The following CCDC169 variants were observed in gnomAD, a reference collection of about 807,000 sequenced individuals.
CCDC169 encodes coiled-coil domain containing 169, also known as coiled-coil domain-containing protein 169.
In CCDC169, 30 loss-of-function variants were observed where a neutral mutation model predicts 36.0. That is an observed-to-expected ratio of 0.83 (90% CI 0.62 to 1.13). CCDC169 has a LOEUF of 1.13. Ranked by LOEUF, CCDC169 falls within the 50% of genes most tolerant of loss-of-function variation. The pLI is 0.00. For missense variants in CCDC169, 245 were observed against 245.9 expected (o/e 1.00, Z 0.03); for synonymous variants, 85 against 81.5 (o/e 1.04, Z -0.23).
chr13:36,248,759 A>C, intron 6 of CCDC169, 77 bp from the exon 7 acceptor site: 2 of 1,327,120 alleles, frequency 1.5e-6, no homozygotes, highest in Non-Finnish European at 2.1e-6. Context: ...GTCAATTCTC[A>C]ATTAACTCTC....
intron 7 of CCDC169, among the ~76,000 whole-genome samples, chr13:36,247,632 C>A (rs1458973211): frequency 6.6e-6 from 1 of 152,046 alleles, no homozygotes; most frequent in Non-Finnish European, 1.5e-5. Flanking sequence ...AGAAGTAGAG[C>A]CTGAAGAGGT....
At chr13:36,224,474 T>G (rs967083593), downstream of CCDC169, 7 of 152,118 alleles carry the variant, frequency 4.6e-5, no homozygotes, top group Admixed American at 3.9e-4. Flanking sequence ...TCAATAACAT[T>G]TCTATACACC....
chr13:36,290,403 C>T (rs1165199120), intron 2 of CCDC169, among the ~76,000 whole-genome samples: 2 of 152,152 alleles, frequency 1.3e-5, no homozygotes, highest in Non-Finnish European at 2.9e-5. Context: ...GTTTCCTTTC[C>T]TGTAACTGTC....
chr13:36,282,092 T>G (rs2138606511), intron 4 of CCDC169, among the ~76,000 whole-genome samples: 1 of 151,164 alleles, frequency 6.6e-6, no homozygotes, highest in Middle Eastern at 3.4e-3. Context: ...TTATTCAAAA[T>G]TAGTATTCAA....
chr13:36,276,643 G>A (rs1159869495), intron 4 of CCDC169, among the ~76,000 whole-genome samples: 1 of 152,170 alleles, frequency 6.6e-6, no homozygotes, highest in Non-Finnish European at 1.5e-5. Context: ...GGAGGACAAG[G>A]GGGAGGGTAC....
At chr13:36,247,061 T>C (rs1299231964) in intron 7 of CCDC169, among the ~76,000 whole-genome samples, 1 of 152,226 alleles carries the variant, frequency 6.6e-6, no homozygotes, top group Non-Finnish European at 1.5e-5. Context: ...CTAGGAATTA[T>C]GCTAAACCTA....
chr13:36,283,737 C>T (rs974764393), intron 2 of CCDC169, 35 bp from the exon 3 acceptor site: 1 of 1,394,494 alleles, frequency 7.2e-7, no homozygotes, highest in African/African-American at 1.4e-5. Flanking sequence ...TCAAGATCAC[C>T]CCACCACCTC....
Position 36,253,802 on chromosome 13 carries a change from C to G in CCDC169, c.468+1G>C. On this transcript the variant is annotated splice_donor_variant, in intron 6 of 7. Coordinates refer to ENST00000239859, the MANE Select transcript of CCDC169 (RefSeq NM_001144981.3). LOFTEE classifies it high-confidence loss of function. Reference sequence around the variant, plus strand: ...AGAATTTGGAAATAAAAAAGAGTTACCTGAGACATTTCAGCTAGGTATGTA... The same window carrying G: ...AGAATTTGGAAATAAAAAAGAGTTAGCTGAGACATTTCAGCTAGGTATGTA... 1 of 1,548,504 alleles carries G rather than the reference C, an allele frequency of 6.5e-7. No homozygotes were observed. The highest frequency in any genetic ancestry group is 8.7e-7 in the Non-Finnish European group (1 of 1,146,306).
intron 7 of CCDC169, among the ~76,000 whole-genome samples, chr13:36,245,342 C>G (rs1022825167): frequency 5.9e-5 from 9 of 151,982 alleles, no homozygotes; most frequent in African/African-American, 1.9e-4. Flanking sequence ...CTCTGCTGAC[C>G]AGGCTGGATT....
chr13:36,270,224 G>T (rs1594058225), intron 4 of CCDC169, among the ~76,000 whole-genome samples: 1 of 152,016 alleles, frequency 6.6e-6, no homozygotes, highest in East Asian at 1.9e-4. Context: ...GCAGGTGAAA[G>T]ATCTCTACAA....
chr13:36,243,893 A>G (rs1393587764), intron 7 of CCDC169, among the ~76,000 whole-genome samples: 2 of 152,310 alleles, frequency 1.3e-5, no homozygotes, highest in African/African-American at 4.8e-5. Flanking sequence ...ACTCCCAGTA[A>G]TATTCAATGG....
chr13:36,295,322 T>A (rs768423967), intron 2 of CCDC169, among the ~76,000 whole-genome samples: 17 of 152,276 alleles, frequency 1.1e-4, no homozygotes, highest in Non-Finnish European at 2.1e-4. Flanking sequence ...TTGCATACAT[T>A]ACAAATTTTA....
downstream of CCDC169, chr13:36,222,597 C>T (rs1869670582): frequency 6.6e-6 from 1 of 152,150 alleles, no homozygotes; most frequent in Non-Finnish European, 1.5e-5. Context: ...GTTAAACTCT[C>T]TGTGGGGTGA....
chr13:36,293,998 G>A (rs1879199614), intron 2 of CCDC169, among the ~76,000 whole-genome samples: 1 of 152,126 alleles, frequency 6.6e-6, no homozygotes, highest in Non-Finnish European at 1.5e-5. Flanking sequence ...TCATGGCTCT[G>A]CCACTACCTG....
At chr13:36,297,489 A>G in intron 1 of CCDC169, 148 bp downstream of exon 1, 1 of 690,848 alleles carries the variant, frequency 1.4e-6, no homozygotes, top group Non-Finnish European at 2.5e-6. Context: ...TTTCGCATGG[A>G]ATACTTTTGG....
chr13:36,284,466 G>C (rs1029658907), intron 2 of CCDC169, among the ~76,000 whole-genome samples: 4 of 152,190 alleles, frequency 2.6e-5, no homozygotes, highest in African/African-American at 4.8e-5. Context: ...TTTTAATCCA[G>C]TTTTATCTGC....
intron 2 of CCDC169, among the ~76,000 whole-genome samples, chr13:36,287,202 C>A (rs895538253): frequency 6.6e-6 from 1 of 152,124 alleles, no homozygotes; most frequent in African/African-American, 2.4e-5. Flanking sequence ...TTTAAATCTG[C>A]TGTTACTAAG....
intron 2 of CCDC169, among the ~76,000 whole-genome samples, chr13:36,286,239 G>A (rs1376997055): frequency 6.6e-6 from 1 of 152,110 alleles, no homozygotes; most frequent in Admixed American, 6.5e-5. Flanking sequence ...TCCTGCTATG[G>A]TGTCTGCTAC....
intron 4 of CCDC169, among the ~76,000 whole-genome samples, chr13:36,255,327 C>T (rs1873730445): frequency 6.6e-6 from 1 of 152,144 alleles, no homozygotes; most frequent in Non-Finnish European, 1.5e-5. Flanking sequence ...GGGTCAGCTA[C>T]AGCTTCGGGA....
Sources: gnomAD v4.1 joint callset for allele counts (sites outside exome capture counted in the v4.1 genomes callset) on GRCh38, gnomAD v4.1.1 for gene constraint, MANE v1.5 for transcripts, NCBI Gene and HGNC (gene_info 2026-07-23, HGNC 2026-07-21) for gene names.